Variants in PIEZO2 observed in about 807,000 individuals in gnomAD.
PIEZO2 encodes piezo-type mechanosensitive ion channel component 2.
Under a neutral mutation model 337.3 loss-of-function variants are expected in PIEZO2, and 172 were observed. The ratio of observed to expected loss-of-function variants is 0.51; its 90% CI spans 0.45 to 0.58. PIEZO2 has a LOEUF of 0.58. PIEZO2 is among the 20% of genes least tolerant of loss of function. The probability of loss-of-function intolerance (pLI) is 0.00; values close to 1 mark genes in which losing one functional copy is unlikely to be tolerated. For missense variants in PIEZO2, 3,028 were observed against 3,391.3 expected (o/e 0.89, Z 2.66); for synonymous variants, 1,251 against 1,228.5 (o/e 1.02, Z -0.38).
intron 43 of PIEZO2, among the ~76,000 whole-genome samples, chr18:10,700,613 T>A (rs2035290836): frequency 6.6e-6 from 1 of 152,078 alleles, no homozygotes; most frequent in South Asian, 2.1e-4. Context: ...TTATAATAAT[T>A]TTAAATGATA....
At chr18:11,020,709 C>G (rs2036279986) in intron 2 of PIEZO2, among the ~76,000 whole-genome samples, 1 of 152,182 alleles carries the variant, frequency 6.6e-6, no homozygotes, top group African/African-American at 2.4e-5. Context: ...ATGACACCTT[C>G]TATTTCACAA....
In PIEZO2 at chr18:10,716,128, C is replaced by T. The variant is rs570577806; in HGVS notation, c.5090-312G>A. On this transcript the variant is annotated intron_variant, in intron 37 of 55. Coordinates refer to ENST00000674853, the MANE Select transcript of PIEZO2 (RefSeq NM_001378183.1). This position sits in a 1 kb window ranked among gnomAD's most constrained non-coding sequence, Gnocchi z 4.1. Reference sequence around the variant, plus strand: ...GTTTGGACAGCGTGGATCCACTCTACGCGTGGATTGTTTTCAGTAAAAGTT... The same window carrying T: ...GTTTGGACAGCGTGGATCCACTCTATGCGTGGATTGTTTTCAGTAAAAGTT... Among the ~76,000 whole-genome samples the T allele has an allele frequency of 1.9e-4, 29 of 152,276 alleles. No individual in the cohort carries two copies. Among genetic ancestry groups the T allele is most frequent in the African/African-American group, 6.7e-4 (28 of 41,554 alleles).
chr18:10,678,401 G>C (rs1470974422), intron 52 of PIEZO2, among the ~76,000 whole-genome samples: 1 of 152,148 alleles, frequency 6.6e-6, no homozygotes, highest in African/African-American at 2.4e-5. Flanking sequence ...GAGAAAATGG[G>C]ATTGAAGGAG....
Position 10,942,461 on chromosome 18 carries a change from G to C in PIEZO2, c.287-31233C>G, listed in dbSNP as rs569715216. Among the ~76,000 whole-genome samples, 46 of 152,288 alleles carry C rather than the reference G, an allele frequency of 3.0e-4. No homozygotes were observed. The Middle Eastern group carries it at 0.014, about 45-fold the overall frequency. On this transcript the variant is annotated intron_variant, in intron 3 of 55. Coordinates refer to ENST00000674853, the MANE Select transcript of PIEZO2 (RefSeq NM_001378183.1). The surrounding 1 kb of genome is among the most constrained non-coding windows in gnomAD (Gnocchi z 4.4). ...CAAACACAACTCTTGTTATGTTTTA[G>C]CAAAGCGACTGGCAGCATTCTGCCC...
chr18:10,843,879 C>T (rs2041269035), intron 7 of PIEZO2, among the ~76,000 whole-genome samples: 1 of 152,240 alleles, frequency 6.6e-6, no homozygotes, highest in South Asian at 2.1e-4. Context: ...AGATGTCCCT[C>T]ATGCAGGCTC....
At chr18:10,691,726 G>A (rs899090324) in intron 47 of PIEZO2, among the ~76,000 whole-genome samples, 1 of 137,346 alleles carries the variant, frequency 7.3e-6, no homozygotes, top group Non-Finnish European at 1.5e-5. Flanking sequence ...GAAAGAAAAA[G>A]CCTATATACA....
intron 32 of PIEZO2, 56 bp downstream of exon 32, chr18:10,742,438 T>G: frequency 6.6e-7 from 1 of 1,519,798 alleles, no homozygotes; most frequent in Non-Finnish European, 8.8e-7. Flanking sequence ...CCCTGCTCAA[T>G]ATCATGCTAT....
At chr18:10,681,620 T>C in intron 51 of PIEZO2, 41 bp downstream of exon 51, 1 of 1,462,004 alleles carries the variant, frequency 6.8e-7, no homozygotes, top group Middle Eastern at 1.7e-4. Flanking sequence ...CTTCCCTAGA[T>C]GAGAGGTCTT....
chr18:10,810,095 T>G (rs1189674184), intron 7 of PIEZO2, among the ~76,000 whole-genome samples: 1 of 152,228 alleles, frequency 6.6e-6, no homozygotes, highest in Non-Finnish European at 1.5e-5. Context: ...TACAAATGTA[T>G]TTGGTAAATG....
chr18:10,791,007 C>T (rs55775486), intron 14 of PIEZO2, among the ~76,000 whole-genome samples, 194 bp downstream of exon 14: 1 of 152,114 alleles, frequency 6.6e-6, no homozygotes. Context: ...CCCGGCCCAA[C>T]TGGCACATTT....
At chr18:10,836,753 T>C (rs1479793396) in intron 7 of PIEZO2, among the ~76,000 whole-genome samples, 1 of 152,172 alleles carries the variant, frequency 6.6e-6, no homozygotes, top group African/African-American at 2.4e-5. Context: ...AACAAGAGGA[T>C]ACAAGTGTCC....
intron 1 of PIEZO2, among the ~76,000 whole-genome samples, chr18:11,140,878 C>G (rs2040624893): frequency 6.6e-6 from 1 of 152,204 alleles, no homozygotes; most frequent in Non-Finnish European, 1.5e-5. Context: ...ATTCTTGCAG[C>G]TTCCTGGCTG....
At position 10,835,276 on chromosome 18, in the gene PIEZO2, A is replaced by ATT. The variant is rs56962370; in HGVS notation, c.917+20075_917+20076dup. On this transcript the variant is annotated intron_variant, in intron 7 of 55. Coordinates refer to ENST00000674853, the MANE Select transcript of PIEZO2 (RefSeq NM_001378183.1). ...GGTTAAAGGCCTCTCCAATGACCTC[A>ATT]TTTTTTTTTTTTTTTGGTAAGGAGG... is the stretch of plus-strand genomic sequence containing the variant. Among the ~76,000 whole-genome samples the ATT allele has an allele frequency of 1.1e-3, 160 of 143,278 alleles. 1 individual carries two copies. The highest frequency in any genetic ancestry group is 3.8e-3 in the African/African-American group (147 of 39,080). The allele number at this position is 143,278 out of a possible 152,430, so 94.0% of individuals were successfully genotyped here. A position where few individuals can be genotyped will look rare whatever the true frequency, so the allele number is the denominator to read the frequency against.
chr18:10,780,897 A>T (rs947077940), intron 17 of PIEZO2, among the ~76,000 whole-genome samples: 1 of 151,838 alleles, frequency 6.6e-6, no homozygotes, highest in Non-Finnish European at 1.5e-5. Flanking sequence ...TCCTGACTGC[A>T]GGTGATCCAC....
chr18:10,971,746 CA>C (rs368460038), intron 3 of PIEZO2, among the ~76,000 whole-genome samples: 15 of 152,288 alleles, frequency 9.8e-5, no homozygotes, highest in South Asian at 2.1e-4. Context: ...GTATCCTAAT[CA>C]TATCTATTCC....
chr18:10,824,562 G>A lies in PIEZO2; in HGVS notation c.918-17288C>T, dbSNP rs2040613619. ...CTTATGACATATATATGTATATTAT[G>A]GAATACTATGCATCCATTTAAAATA... is the stretch of plus-strand genomic sequence containing the variant. On this transcript the variant is annotated intron_variant, in intron 7 of 55. Transcript: ENST00000674853. The surrounding 1 kb of genome is among the most constrained non-coding windows in gnomAD (Gnocchi z 4.4). Among the ~76,000 whole-genome samples, 1 of 151,866 alleles carries A rather than the reference G, an allele frequency of 6.6e-6. No individual in the cohort carries two copies. Among genetic ancestry groups the A allele is most frequent in the African/African-American group, 2.4e-5 (1 of 41,352 alleles).
chr18:10,761,720 G>A (rs1173454524), intron 23 of PIEZO2, among the ~76,000 whole-genome samples: 1 of 152,080 alleles, frequency 6.6e-6, no homozygotes, highest in Non-Finnish European at 1.5e-5. Context: ...TATTTATGGT[G>A]GGTACTGGTA....
intron 2 of PIEZO2, among the ~76,000 whole-genome samples, chr18:10,981,965 C>T (rs2145498309): frequency 6.6e-6 from 1 of 152,278 alleles, no homozygotes; most frequent in African/African-American, 2.4e-5. Context: ...AGCTTCCCTA[C>T]TTTTGAGGGT....
At position 11,083,783 on chromosome 18, in the gene PIEZO2, A is replaced by AC. The variant is rs1247899412; in HGVS notation, c.65-17562_65-17561insG. On this transcript the variant is annotated intron_variant, in intron 1 of 55. Transcript: ENST00000674853. The surrounding 1 kb of genome is among the most constrained non-coding windows in gnomAD (Gnocchi z 4.4). ...GAGGCACAACTAAGGTTCAAGGAAC[A>AC]GGAAAGCTTCCATGTGACAGCCAGC... Among the ~76,000 whole-genome samples, 3 of 152,254 alleles carry AC rather than the reference A, an allele frequency of 2.0e-5. No homozygotes were observed. The highest frequency in any genetic ancestry group is 7.2e-5 in the African/African-American group (3 of 41,468).
Sources: gnomAD v4.1 joint callset for allele counts (sites outside exome capture counted in the v4.1 genomes callset) on GRCh38, gnomAD v4.1.1 for gene constraint, Gnocchi (gnomAD v3.1) non-coding constraint, MANE v1.5 for transcripts, NCBI Gene and HGNC (gene_info 2026-07-23, HGNC 2026-07-21) for gene names.